Variants in DIPK1A observed in about 807,000 individuals in gnomAD.
The protein encoded by DIPK1A is divergent protein kinase domain 1A.
A neutral mutation model predicts 40.8 loss-of-function variants in DIPK1A; 27 were observed. The ratio of observed to expected loss-of-function variants is 0.66; its 90% confidence interval spans 0.49 to 0.91. The LOEUF (loss-of-function observed/expected upper bound fraction) is 0.91. Ranked by LOEUF, DIPK1A falls within the 40% of genes least tolerant of loss-of-function variation. The probability of loss-of-function intolerance (pLI) is 0.00; values close to 1 mark genes in which losing one functional copy is unlikely to be tolerated. For missense variants in DIPK1A, 412 were observed against 505.7 expected (o/e 0.81, Z 1.78); for synonymous variants, 166 against 171.3 (o/e 0.97, Z 0.24).
At chr1:92,932,763 A>C (rs894737389) in intron 1 of DIPK1A, 3 of 152,220 alleles carry the variant, frequency 2.0e-5, no homozygotes, top group Admixed American at 2.0e-4. Flanking sequence ...AATGGTAAAA[A>C]CATCTGTGGT....
chr1:92,840,868 C>T (rs1172780007), downstream of DIPK1A: 1 of 636,742 alleles, frequency 1.6e-6, no homozygotes, highest in African/African-American at 1.8e-5. Context: ...CTGGTTACTG[C>T]ATTTTTTTAT....
chr1:92,926,665 A>T (rs1031861603), intron 1 of DIPK1A, among the ~76,000 whole-genome samples: 1 of 152,184 alleles, frequency 6.6e-6, no homozygotes, highest in Admixed American at 6.5e-5. Flanking sequence ...TGTCAGTTTT[A>T]TGGTTTATGT....
At chr1:92,889,655 TA>T (rs949079194) in intron 1 of DIPK1A, among the ~76,000 whole-genome samples, 8 of 151,926 alleles carry the variant, frequency 5.3e-5, no homozygotes, top group African/African-American at 1.9e-4. Flanking sequence ...TTTTTTTTTT[TA>T]AATCAACAAT....
At chr1:92,845,540 T>C in intron 4 of DIPK1A, 3 of 246,864 alleles carry the variant, frequency 1.2e-5, no homozygotes, top group South Asian at 2.7e-5. Flanking sequence ...CCGTCTCTGC[T>C]GAAAAAAAAA....
Position 92,842,507 on chromosome 1 carries a change from T to C in DIPK1A, c.*876A>G, listed in dbSNP as rs185134144. On this transcript the variant is annotated 3_prime_UTR_variant, in exon 5 of 5. Coordinates refer to ENST00000370310, the MANE Select transcript of DIPK1A (RefSeq NM_001006605.5). ...AAAACATTAGATAAATAAATACATT[T>C]ACATGCCTCTTTAAGAAATAGCCCT... The C allele has an allele frequency of 3.1e-4, 307 of 980,514 alleles. 1 individual carries two copies. In the African/African-American group the frequency reaches 4.8e-3, roughly 15 times the overall value. The allele number at this position is 980,514 out of a possible 1,614,324, so 60.7% of individuals were successfully genotyped here. A position where few individuals can be genotyped will look rare whatever the true frequency, so the allele number is the denominator to read the frequency against.
At chr1:92,850,378 A>T (rs1221693720) in intron 3 of DIPK1A, among the ~76,000 whole-genome samples, 4 of 152,222 alleles carry the variant, frequency 2.6e-5, no homozygotes, top group Non-Finnish European at 1.5e-5. Flanking sequence ...CTGGGGATAG[A>T]TTAATAAATA....
chr1:92,888,533 C>T (rs1648712669), intron 1 of DIPK1A, among the ~76,000 whole-genome samples: 1 of 152,022 alleles, frequency 6.6e-6, no homozygotes, highest in South Asian at 2.1e-4. Context: ...ATTACCTTTC[C>T]TTGGAATATA....
intron 1 of DIPK1A, among the ~76,000 whole-genome samples, chr1:92,905,091 T>C (rs1571111394): frequency 6.6e-6 from 1 of 152,324 alleles, no homozygotes; most frequent in East Asian, 1.9e-4. Flanking sequence ...ATCTTAGCTA[T>C]TGTGAATAGT....
At chr1:92,908,983 T>C (rs1649730097) in intron 1 of DIPK1A, among the ~76,000 whole-genome samples, 1 of 152,188 alleles carries the variant, frequency 6.6e-6, no homozygotes, top group African/African-American at 2.4e-5. Flanking sequence ...TATTGTAACC[T>C]AGATCGATTT....
At chr1:92,846,852 T>C in intron 4 of DIPK1A, among the ~76,000 whole-genome samples, 1 of 10,352 alleles carries the variant, frequency 9.7e-5, no homozygotes, top group African/African-American at 6.2e-4. Context: ...TGTGTGTATA[T>C]ATATATGTGT....
exon 5 of DIPK1A, chr1:92,832,894 G>A (rs1686964923): frequency 1.5e-6 from 1 of 651,580 alleles, no homozygotes. Flanking sequence ...CATGGGAAGC[G>A]AGAGAGGTAC....
chr1:92,911,194 G>T (rs1649811627), intron 1 of DIPK1A, among the ~76,000 whole-genome samples: 1 of 152,180 alleles, frequency 6.6e-6, no homozygotes, highest in Non-Finnish European at 1.5e-5. Context: ...ATTGTATGAG[G>T]AAGTGAGTTT....
intron 4 of DIPK1A, among the ~76,000 whole-genome samples, chr1:92,834,515 A>G (rs900607084): frequency 6.6e-6 from 1 of 152,218 alleles, no homozygotes; most frequent in Non-Finnish European, 1.5e-5. Flanking sequence ...CTCCGTACCC[A>G]AGTTCAGATA....
rs114471775 is a variant in DIPK1A at position 92,858,128 on chromosome 1, C to G, written c.190-7173G>C. Among the ~76,000 whole-genome samples the G allele has an allele frequency of 2.8e-3, 433 of 152,298 alleles. 4 individuals are homozygous for G. Among genetic ancestry groups the G allele is most frequent in the African/African-American group, 0.01 (420 of 41,564 alleles). The stretch of plus-strand genomic sequence containing the variant: ...GGTTTTTATCCGGAAGTAGGGCCCT[C>G]TGTCATGAACAATTCATGGGATCGG... On this transcript the variant is annotated intron_variant, in intron 2 of 4. Transcript: ENST00000370310.
At chr1:92,925,932 G>GTATGTAATCTTCATAC in intron 1 of DIPK1A, among the ~76,000 whole-genome samples, 1 of 152,164 alleles carries the variant, frequency 6.6e-6, no homozygotes, top group Non-Finnish European at 1.5e-5. Context: ...GAAGTTTACA[G>GTATGTAATCTTCATAC]ATACATAATC....
chr1:92,840,404 A>G, downstream of DIPK1A: 1 of 677,020 alleles, frequency 1.5e-6, no homozygotes, highest in Admixed American at 2.4e-5. Flanking sequence ...GGTGAGTTAC[A>G]TTTAGAAGTT....
chr1:92,920,669 T>C (rs1650236265), intron 1 of DIPK1A, among the ~76,000 whole-genome samples: 1 of 152,214 alleles, frequency 6.6e-6, no homozygotes, highest in Admixed American at 6.5e-5. Context: ...CATGGTTGAT[T>C]GGTGAGTTAG....
rs1217144042 is a variant in DIPK1A, at chr1:92,938,309, T to G, written c.54+23067A>C. 2.0e-5 allele frequency among the ~76,000 whole-genome samples: 3 copies of G among 151,866 alleles called. No homozygotes were observed. The East Asian group carries it at 5.8e-4, about 29-fold the overall frequency. On this transcript the variant is annotated intron_variant, in intron 1 of 4. Coordinates refer to ENST00000370310, the MANE Select transcript of DIPK1A (RefSeq NM_001006605.5). The stretch of plus-strand genomic sequence containing the variant: ...TACTTGGGAGGCTGAGCCAGGAGAA[T>G]TAGCCAGCCATGGTGGTGCATACTT...
At chr1:92,907,459 A>G (rs1649669985) in intron 1 of DIPK1A, among the ~76,000 whole-genome samples, 1 of 152,094 alleles carries the variant, frequency 6.6e-6, no homozygotes, top group Non-Finnish European at 1.5e-5. Context: ...AGTTTTTTAG[A>G]GACAGGGTCT....
Sources: allele counts gnomAD v4.1 joint callset (sites outside exome capture counted in the v4.1 genomes callset), GRCh38; gene constraint gnomAD v4.1.1; transcripts MANE v1.5; gene names NCBI Gene and HGNC (gene_info 2026-07-23, HGNC 2026-07-21).